The following XKR6 variants were observed in gnomAD, a reference collection of about 807,000 sequenced individuals.
XKR6 encodes XK-related protein 6.
In XKR6, 22 loss-of-function variants were observed where a neutral mutation model predicts 56.7. The observed-to-expected ratio is 0.39, with a 90% CI of 0.28 to 0.55. The LOEUF is 0.55. Ranked by LOEUF, XKR6 falls within the 20% of genes least tolerant of loss-of-function variation. The pLI, the probability that XKR6 is intolerant of heterozygous loss-of-function variation, is 0.66. For missense variants in XKR6, 852 were observed against 889.0 expected (o/e 0.96, Z 0.53); for synonymous variants, 524 against 387.8 (o/e 1.35, Z -4.13).
rs1800502259 is a variant in XKR6 at position 10,914,628 on chromosome 8, C to G, written c.961+10006G>C. 1.3e-5 allele frequency among the ~76,000 whole-genome samples: 2 copies of G among 152,166 alleles called. 1 individual carries two copies. Among genetic ancestry groups the G allele is most frequent in the South Asian group, 4.1e-4 (2 of 4,834 alleles). On this transcript the variant is annotated intron_variant, in intron 2 of 2. Transcript: ENST00000416569. Reference sequence around the variant, plus strand: ...CTGTCTCCTTGCATGTTTCTGGGACCCAGAGAAGATGAGATTGGAGAGATC... The same window carrying G: ...CTGTCTCCTTGCATGTTTCTGGGACGCAGAGAAGATGAGATTGGAGAGATC...
In XKR6 at chr8:11,115,949, G is replaced by T. The variant is rs368718335; in HGVS notation, c.764+84627C>A. On this transcript the variant is annotated intron_variant, in intron 1 of 2. Transcript: ENST00000416569. ...AAATGTTTTGACTCTGAAGTTCATA[G>T]GTCTCAGAAAATACTTTAAAGTAAT... Among the ~76,000 whole-genome samples the T allele has an allele frequency of 7.9e-4, 120 of 152,246 alleles. 2 individuals carry two copies. Among genetic ancestry groups the T allele is most frequent in the Middle Eastern group, 3.4e-3 (1 of 294 alleles).
At chr8:11,054,842 G>A (rs1799641383) in intron 1 of XKR6, among the ~76,000 whole-genome samples, 1 of 152,168 alleles carries the variant, frequency 6.6e-6, no homozygotes, top group South Asian at 2.1e-4. Context: ...AGGAGGGCCA[G>A]CCCACCTCAT....
intron 1 of XKR6, among the ~76,000 whole-genome samples, chr8:11,145,353 T>G (rs1464455238): frequency 6.6e-6 from 1 of 152,028 alleles, no homozygotes; most frequent in Non-Finnish European, 1.5e-5. Flanking sequence ...CTCCCACAAC[T>G]AAAGATAATA....
intron 1 of XKR6, among the ~76,000 whole-genome samples, chr8:11,110,899 C>T (rs1470642965): frequency 4.6e-5 from 7 of 151,248 alleles, no homozygotes; most frequent in South Asian, 2.1e-4. Context: ...TGCAGTGGTG[C>T]GATCTCGGCT....
intron 1 of XKR6, among the ~76,000 whole-genome samples, chr8:11,018,681 A>G (rs1798680665): frequency 6.6e-6 from 1 of 152,192 alleles, no homozygotes. Flanking sequence ...TTCTCAGCAA[A>G]GTTTTACACA....
intron 1 of XKR6, among the ~76,000 whole-genome samples, chr8:10,990,146 T>G (rs972008091): frequency 1.3e-5 from 2 of 152,218 alleles, no homozygotes; most frequent in Non-Finnish European, 2.9e-5. Context: ...AAAACTTTTG[T>G]GACAGTCAGG....
chr8:11,124,202 T>G, intron 1 of XKR6: 1 of 354,952 alleles, frequency 2.8e-6, no homozygotes, highest in African/African-American at 2.1e-5. Context: ...AAAGCCAACC[T>G]TAATGCTATT....
intron 2 of XKR6, among the ~76,000 whole-genome samples, chr8:10,919,195 T>G (rs1800645031): frequency 2.6e-5 from 4 of 152,204 alleles, no homozygotes; most frequent in Admixed American, 2.0e-4. Context: ...TTTCCTTCCC[T>G]CAGGGCCTTT....
chr8:11,175,765 C>T (rs905704900), intron 1 of XKR6, among the ~76,000 whole-genome samples: 2 of 152,178 alleles, frequency 1.3e-5, no homozygotes, highest in African/African-American at 4.8e-5. Flanking sequence ...CCTTCTCCTA[C>T]TAGCCCAGTG....
intron 1 of XKR6, among the ~76,000 whole-genome samples, chr8:11,001,366 T>C (rs1798234590): frequency 6.6e-6 from 1 of 151,846 alleles, no homozygotes; most frequent in Non-Finnish European, 1.5e-5. Flanking sequence ...AGTGAAGAAA[T>C]GGCCTCTTTA....
intron 2 of XKR6, among the ~76,000 whole-genome samples, chr8:10,917,383 T>C (rs1800592280): frequency 2.6e-5 from 4 of 152,230 alleles, no homozygotes; most frequent in Admixed American, 1.3e-4. Flanking sequence ...TCCTGCCAAG[T>C]GCTGCATGGT....
intron 1 of XKR6, among the ~76,000 whole-genome samples, chr8:10,997,599 A>G (rs1798143219): frequency 6.6e-6 from 1 of 152,160 alleles, no homozygotes; most frequent in African/African-American, 2.4e-5. Flanking sequence ...TCCAGGGGAG[A>G]GAATGTGCCA....
rs554449947 is a variant in XKR6 at position 11,120,867 on chromosome 8, C to G, written c.764+79709G>C. On this transcript the variant is annotated intron_variant, in intron 1 of 2. Transcript: ENST00000416569. Reference sequence around the variant, plus strand: ...TAGACCAATGGAACAGATCAGAGCCCTCAGAAATAATGCCGCATATCTACA... The same window carrying G: ...TAGACCAATGGAACAGATCAGAGCCGTCAGAAATAATGCCGCATATCTACA... 3.5e-3 allele frequency among the ~76,000 whole-genome samples: 526 copies of G among 152,256 alleles called. 3 individuals carry two copies. The highest frequency in any genetic ancestry group is 0.011 in the African/African-American group (476 of 41,518).
At chr8:11,193,757 A>G (rs1289404909) in intron 1 of XKR6, among the ~76,000 whole-genome samples, 10 of 132,052 alleles carry the variant, frequency 7.6e-5, no homozygotes, top group Admixed American at 3.2e-4. Flanking sequence ...CCCCCACAAA[A>G]GAAATTAACC....
chr8:11,114,130 T>C (rs1477139562), intron 1 of XKR6: 2 of 424,248 alleles, frequency 4.7e-6, no homozygotes, highest in South Asian at 3.4e-5. Context: ...CAAATGAGCA[T>C]GGAATGAAAT....
At chr8:11,077,659 C>T (rs1013605022) in intron 1 of XKR6, among the ~76,000 whole-genome samples, 2 of 152,190 alleles carry the variant, frequency 1.3e-5, no homozygotes, top group Admixed American at 6.5e-5. Context: ...GAGGAAGGAG[C>T]CTGTGGCTGT....
At chr8:10,959,226 C>A (rs150234527) in intron 1 of XKR6, among the ~76,000 whole-genome samples, 27 of 152,274 alleles carry the variant, frequency 1.8e-4, no homozygotes, top group African/African-American at 6.5e-4. Flanking sequence ...TATGGTGAGG[C>A]CTGGCCTGGA....
At chr8:11,119,769 T>C (rs1347696635) in intron 1 of XKR6, among the ~76,000 whole-genome samples, 3 of 152,174 alleles carry the variant, frequency 2.0e-5, no homozygotes, top group South Asian at 2.1e-4. Flanking sequence ...TTGATGAACA[T>C]TGATGCAAAA....
intron 1 of XKR6, among the ~76,000 whole-genome samples, chr8:10,946,687 G>C (rs528255655): frequency 2.6e-5 from 4 of 152,176 alleles, no homozygotes; most frequent in Admixed American, 1.3e-4. Flanking sequence ...ACATAATTGA[G>C]CTCCTACTGC....
Sources: allele counts gnomAD v4.1 joint callset (sites outside exome capture counted in the v4.1 genomes callset), GRCh38; gene constraint gnomAD v4.1.1; transcripts MANE v1.5; gene names NCBI Gene and HGNC (gene_info 2026-07-23, HGNC 2026-07-21).